Variants in PIBF1 observed in about 807,000 individuals in gnomAD.
PIBF1 encodes the protein progesterone immunomodulatory binding factor 1, also known as progesterone-induced-blocking factor 1.
In PIBF1, 90 loss-of-function variants were observed where a neutral mutation model predicts 112.5. The ratio of observed to expected loss-of-function variants is 0.80; its 90% confidence interval spans 0.67 to 0.95. The LOEUF (loss-of-function observed/expected upper bound fraction) is 0.95. Ranked by LOEUF, PIBF1 falls within the 40% of genes least tolerant of loss-of-function variation. The pLI is 0.00. For synonymous variants in PIBF1, 301 were observed against 288.6 expected (o/e 1.04, Z -0.44); for missense variants, 915 against 852.3 (o/e 1.07, Z -0.92).
chr13:72,932,972 CA>C (rs1175179556), intron 14 of PIBF1, among the ~76,000 whole-genome samples: 1 of 152,024 alleles, frequency 6.6e-6, no homozygotes, highest in African/African-American at 2.4e-5. Flanking sequence ...GAGTCATTTC[CA>C]GTTTTTGGAA....
chr13:73,010,229 G>GTTTTTTTTTTTTTTTTT (rs35486011), intron 17 of PIBF1, among the ~76,000 whole-genome samples: 1 of 123,562 alleles, frequency 8.1e-6, no homozygotes, highest in Non-Finnish European at 1.6e-5. Flanking sequence ...TTCTATGCTA[G>GTTTTTTTTTTTTTTTTT]TTTTTTTTTT....
chr13:72,789,552 A>G (rs2034790514), intron 2 of PIBF1, among the ~76,000 whole-genome samples: 1 of 151,968 alleles, frequency 6.6e-6, no homozygotes, highest in Non-Finnish European at 1.5e-5. Context: ...TGGGTTCCTT[A>G]TTACCTGGGA....
chr13:72,937,608 T>G (rs1431156515), intron 14 of PIBF1, among the ~76,000 whole-genome samples: 1 of 152,082 alleles, frequency 6.6e-6, no homozygotes, highest in Non-Finnish European at 1.5e-5. Context: ...TCACCTGAGG[T>G]CAGTAGTTTG....
intron 16 of PIBF1, among the ~76,000 whole-genome samples, chr13:72,983,974 G>T (rs958690951): frequency 3.9e-5 from 6 of 152,024 alleles, no homozygotes; most frequent in Non-Finnish European, 5.9e-5. Context: ...AACTGTTTTC[G>T]ATTTGTTGGA....
In PIBF1 at chr13:72,783,506, A is replaced by G; in HGVS notation, c.37A>G (p.Asn13Asp). Residue 13 changes from asparagine (N) to aspartate (D), a missense_variant, in exon 2 of 18, where the codon AAC (asparagine) becomes GAC (aspartate). Coordinates refer to ENST00000326291, the MANE Select transcript of PIBF1 (RefSeq NM_006346.4). ...AATTTCAAAGGAGTCAAAAAAAGTG[A>G]ACATCTCTAGTTCTCTGGAATCTGA... ...RKISKESKKVNISSSLESEDI... is the reference protein window; with the variant it reads ...RKISKESKKVDISSSLESEDI... The G allele has an allele frequency of 2.5e-6, 4 of 1,608,428 alleles. No homozygotes were observed. Among genetic ancestry groups the G allele is most frequent in the Non-Finnish European group, 3.4e-6 (4 of 1,177,108 alleles).
intron 9 of PIBF1, among the ~76,000 whole-genome samples, chr13:72,844,957 TTTTTC>T (rs1435195467): frequency 3.3e-5 from 5 of 152,036 alleles, no homozygotes; most frequent in African/African-American, 9.7e-5. Flanking sequence ...CAAAGAGGAC[TTTTTC>T]TTTTCTTTTT....
At chr13:72,911,154 A>G (rs1013110664) in intron 12 of PIBF1, among the ~76,000 whole-genome samples, 18 of 152,038 alleles carry the variant, frequency 1.2e-4, no homozygotes, top group African/African-American at 4.1e-4. Flanking sequence ...TACCCACTGC[A>G]CTCCAGCCTG....
intron 16 of PIBF1, among the ~76,000 whole-genome samples, chr13:72,994,135 G>A (rs2043572508): frequency 6.6e-6 from 1 of 151,598 alleles, no homozygotes; most frequent in Non-Finnish European, 1.5e-5. Flanking sequence ...AAAAAAAAGG[G>A]AGAAAGGGAG....
intron 14 of PIBF1, among the ~76,000 whole-genome samples, chr13:72,945,610 G>A (rs2042128621): frequency 6.6e-6 from 1 of 152,120 alleles, no homozygotes; most frequent in South Asian, 2.1e-4. Context: ...GTTTTGATAT[G>A]CATTTTTCTG....
chr13:72,792,575 A>C lies in PIBF1; in HGVS notation c.353+28A>C, dbSNP rs776141492. Reference sequence around the variant, plus strand: ...AAGAAAAGTTTTTTTTAAAAAAAAAACAACATCTATTTAGCAATTAAAAGT... The same window carrying C: ...AAGAAAAGTTTTTTTTAAAAAAAAACCAACATCTATTTAGCAATTAAAAGT... On this transcript the variant is annotated intron_variant, in intron 3 of 17. Coordinates refer to ENST00000326291, the MANE Select transcript of PIBF1 (RefSeq NM_006346.4). The C allele has an allele frequency of 3.5e-6, 4 of 1,154,476 alleles. No homozygotes were observed. The African/African-American group carries it at 4.8e-5, about 14-fold the overall frequency. 71.5% of individuals were successfully genotyped at this position (1,154,476 alleles called of 1,614,324 possible).
At chr13:72,926,101 T>A (rs902190428) in intron 13 of PIBF1, among the ~76,000 whole-genome samples, 2 of 152,216 alleles carry the variant, frequency 1.3e-5, no homozygotes, top group Non-Finnish European at 2.9e-5. Flanking sequence ...TTTTTTGGTA[T>A]CATATGAGGT....
At chr13:72,815,253 A>G (rs2036211154) in intron 5 of PIBF1, among the ~76,000 whole-genome samples, 1 of 152,262 alleles carries the variant, frequency 6.6e-6, no homozygotes, top group African/African-American at 2.4e-5. Context: ...AACAGAGTAT[A>G]TTCCAGCACA....
In PIBF1 at chr13:72,893,822, C is replaced by G; in HGVS notation, c.1361C>G (p.Thr454Arg). 1.2e-6 allele frequency: 2 copies of G among 1,603,232 alleles called. No individual in the cohort carries two copies. The highest frequency in any genetic ancestry group is 8.5e-7 in the Non-Finnish European group (1 of 1,174,628). ...CAACTTAGTACAGAAAGCAAAGTAA[C>G]AGAATTTCTCCATCAAAGTAAATTA... ...ELQLSTESKV[T>R]EFLHQSKLKS... The change falls in exon 11 of 18, where the codon ACA becomes AGA. Residue 454 changes from threonine (T) to arginine (R), a missense_variant. Coordinates refer to ENST00000326291, the MANE Select transcript of PIBF1 (RefSeq NM_006346.4).
chr13:72,786,526 T>C (rs2034604185), intron 2 of PIBF1, among the ~76,000 whole-genome samples: 1 of 152,234 alleles, frequency 6.6e-6, no homozygotes, highest in Non-Finnish European at 1.5e-5. Flanking sequence ...TCTATTACTT[T>C]GTATACATCT....
intron 15 of PIBF1, among the ~76,000 whole-genome samples, chr13:72,970,023 A>G (rs961465329): frequency 6.6e-6 from 1 of 152,328 alleles, no homozygotes; most frequent in Non-Finnish European, 1.5e-5. Context: ...ATTTACATCA[A>G]TTGATGATTT....
At chr13:72,933,100 C>T (rs545869525) in intron 14 of PIBF1, among the ~76,000 whole-genome samples, 137 of 94,954 alleles carry the variant, frequency 1.4e-3, no homozygotes, top group East Asian at 2.5e-3. Context: ...AGATAATAAA[C>T]AAACAAACAA....
rs1181825251 is a variant in PIBF1 at position 73,005,044 on chromosome 13, G to T, written c.2223+6049G>T. Among the ~76,000 whole-genome samples, 5 of 152,216 alleles carry T rather than the reference G, an allele frequency of 3.3e-5. No individual in the cohort carries two copies. The East Asian group carries it at 9.7e-4, about 29-fold the overall frequency. ...TACTAAAAATACAAAAATTAGCCAA[G>T]CGTGGTGGTGCATGCCTGTAATCCC... On this transcript the variant is annotated intron_variant, in intron 17 of 17. Coordinates refer to ENST00000326291, the MANE Select transcript of PIBF1 (RefSeq NM_006346.4).
chr13:72,991,260 A>G (rs1365479319), intron 16 of PIBF1, among the ~76,000 whole-genome samples: 1 of 149,824 alleles, frequency 6.7e-6, no homozygotes, highest in Non-Finnish European at 1.5e-5. Flanking sequence ...TATCTCTCTC[A>G]TAGAGATTGT....
chr13:72,801,453 C>T (rs1566286932), intron 5 of PIBF1, among the ~76,000 whole-genome samples: 1 of 152,036 alleles, frequency 6.6e-6, no homozygotes, highest in Admixed American at 6.6e-5. Flanking sequence ...AAAATGTACA[C>T]AAATCTATTA....
Sources: allele counts gnomAD v4.1 joint callset (sites outside exome capture counted in the v4.1 genomes callset), GRCh38; gene constraint gnomAD v4.1.1; transcripts MANE v1.5; gene names NCBI Gene and HGNC (gene_info 2026-07-23, HGNC 2026-07-21).